The following HEMGN variants were observed in gnomAD, a reference collection of about 807,000 sequenced individuals.
HEMGN encodes hemogen.
Under a neutral mutation model 45.7 loss-of-function variants are expected in HEMGN, and 32 were observed. The ratio of observed to expected loss-of-function variants is 0.70; its 90% CI spans 0.53 to 0.94. The LOEUF (loss-of-function observed/expected upper bound fraction) is 0.94, where lower values mean the gene tolerates loss of function less well. Among genes scored for constraint, HEMGN ranks in the 40% least tolerant of loss-of-function variants. The pLI, the probability that HEMGN is intolerant of heterozygous loss-of-function variation, is 0.00. For synonymous variants in HEMGN, 183 were observed against 178.6 expected, an observed-to-expected ratio of 1.02 and a Z score of -0.20; for missense variants, 530 against 564.2, an observed-to-expected ratio of 0.94 and a Z score of 0.61.
chr9:97,930,986 A>T lies in HEMGN; in HGVS notation c.409T>A (p.Cys137Ser). Residue 137 changes from cysteine to serine, a missense_variant, in exon 3 of 4, where the codon TGT becomes AGT. Transcript: ENST00000616898. Reference protein sequence around the residue: ...VVPEEHFSEICQESNIYQENF... With the variant: ...VVPEEHFSEISQESNIYQENF... ...TCCTGATATATGTTACTTTCTTGAC[A>T]TATTTCAGAAAAGTGTTCCTCAGGC... is the stretch of plus-strand genomic sequence containing the variant. 1 of 1,614,174 alleles carries T rather than the reference A, an allele frequency of 6.2e-7. No homozygotes were observed. Among genetic ancestry groups the T allele is most frequent in the African/African-American group, 1.3e-5 (1 of 75,044 alleles).
At chr9:97,939,081 A>C (rs1299845391), upstream of HEMGN, among the ~76,000 whole-genome samples, 1 of 152,212 alleles carries the variant, frequency 6.6e-6, no homozygotes, top group South Asian at 2.1e-4. Context: ...CTCCTGATAC[A>C]GGAAGCCAGT....
intron 2 of HEMGN, among the ~76,000 whole-genome samples, chr9:97,934,870 T>C (rs1827028956): frequency 6.6e-6 from 1 of 152,112 alleles, no homozygotes; most frequent in Non-Finnish European, 1.5e-5. Flanking sequence ...AATGCAAATA[T>C]AGTGTAATTG....
At chr9:97,934,881 C>T (rs1293423489) in intron 2 of HEMGN, among the ~76,000 whole-genome samples, 2 of 152,136 alleles carry the variant, frequency 1.3e-5, no homozygotes, top group Non-Finnish European at 2.9e-5. Context: ...AGTGTAATTG[C>T]AGGCTTGAAG....
At chr9:97,942,869 C>T (rs751545106), upstream of HEMGN, among the ~76,000 whole-genome samples, 55 of 152,152 alleles carry the variant, frequency 3.6e-4, no homozygotes, top group Admixed American at 1.8e-3. Flanking sequence ...CCAAAGCTAA[C>T]GCCATTTAAG....
chr9:97,940,338 A>G (rs1827133890), upstream of HEMGN, among the ~76,000 whole-genome samples: 1 of 152,132 alleles, frequency 6.6e-6, no homozygotes, highest in Non-Finnish European at 1.5e-5. Flanking sequence ...ACCTAAGTCA[A>G]TTCCACCCCT....
intron 1 of HEMGN, among the ~76,000 whole-genome samples, chr9:97,943,859 A>T (rs1239658450): frequency 6.6e-6 from 1 of 152,004 alleles, no homozygotes; most frequent in Non-Finnish European, 1.5e-5. Flanking sequence ...CCAGTGGTCC[A>T]TTCTCAGTTC....
At chr9:97,938,282 T>A (rs1369480007), upstream of HEMGN, 3 of 629,768 alleles carry the variant, frequency 4.8e-6, no homozygotes, top group Non-Finnish European at 8.5e-6. Flanking sequence ...CTAAAAGTTT[T>A]ATCTGGTTGG....
At chr9:97,937,656 G>C (rs1305860189) in intron 1 of HEMGN, among the ~76,000 whole-genome samples, 1 of 151,850 alleles carries the variant, frequency 6.6e-6, no homozygotes, top group African/African-American at 2.4e-5. Context: ...GAGTCTCTGG[G>C]TTCATCAGAA....
At chr9:97,939,953 G>A (rs1421989729), upstream of HEMGN, among the ~76,000 whole-genome samples, 4 of 152,258 alleles carry the variant, frequency 2.6e-5, no homozygotes, top group South Asian at 6.2e-4. Context: ...CAGATATGGG[G>A]TTTAAATAAC....
chr9:97,943,317 C>A lies in HEMGN; in HGVS notation c.-56+1451G>T, dbSNP rs538071697. On this transcript the variant is annotated intron_variant, in intron 1 of 4. Coordinates refer to the HEMGN transcript ENST00000259456. ...GGGAACACAATGGACACTTGTTTTT[C>A]TTAGCATTCCTTCCTTGCTGACATA... 3.9e-5 allele frequency among the ~76,000 whole-genome samples: 6 copies of A among 152,274 alleles called. No individual in the cohort carries two copies. The South Asian group carries it at 1.2e-3, about 32-fold the overall frequency.
upstream of HEMGN, among the ~76,000 whole-genome samples, chr9:97,941,295 A>G (rs1734881119): frequency 1.3e-5 from 2 of 152,102 alleles, no homozygotes; most frequent in African/African-American, 2.4e-5. Flanking sequence ...GGCACCAGCA[A>G]ATGGCCCAAG....
chr9:97,942,821 A>G (rs1827171466), upstream of HEMGN, among the ~76,000 whole-genome samples: 2 of 152,174 alleles, frequency 1.3e-5, no homozygotes, highest in African/African-American at 4.8e-5. Flanking sequence ...CATGTACTGG[A>G]TACTGTTTAG....
chr9:97,928,054 TCTCG>T (rs1281202783), intron 3 of HEMGN, among the ~76,000 whole-genome samples: 1 of 143,756 alleles, frequency 7.0e-6, no homozygotes, highest in Non-Finnish European at 1.5e-5. Context: ...TGAGCCGGAG[TCTCG>T]CTCTGTCGCC....
chr9:97,942,947 G>C (rs562008309), upstream of HEMGN, among the ~76,000 whole-genome samples: 25 of 152,288 alleles, frequency 1.6e-4, no homozygotes, highest in East Asian at 1.7e-3. Context: ...ACTTTGGTTT[G>C]TCATGCCATA....
chr9:97,931,331 T>C, intron 2 of HEMGN, 110 bp from the exon 3 acceptor site: 2 of 747,458 alleles, frequency 2.7e-6, no homozygotes, highest in Non-Finnish European at 4.3e-6. Flanking sequence ...TATCATGAAC[T>C]AGTCACTTAA....
At chr9:97,929,119 G>C (rs1177289817) in intron 3 of HEMGN, among the ~76,000 whole-genome samples, 1 of 152,222 alleles carries the variant, frequency 6.6e-6, no homozygotes, top group Non-Finnish European at 1.5e-5. Flanking sequence ...TATCGACCTT[G>C]CTGGGTTTAG....
chr9:97,935,666 C>G (rs1359002031), intron 2 of HEMGN, among the ~76,000 whole-genome samples: 1 of 152,212 alleles, frequency 6.6e-6, no homozygotes. Flanking sequence ...TATTGTACCC[C>G]CTTCCTGCAT....
intron 2 of HEMGN, 109 bp from the exon 3 acceptor site, chr9:97,931,330 C>T: frequency 1.3e-6 from 1 of 755,192 alleles, no homozygotes; most frequent in African/African-American, 1.7e-5. Context: ...GTATCATGAA[C>T]TAGTCACTTA....
In HEMGN at chr9:97,930,072, G is replaced by A. The variant is rs761007719; in HGVS notation, c.1323C>T (p.His441=). ...GGPQGQDPKA[H]QEDAKDAYTF... ...TATAAGCATCTTTAGCATCTTCCTG[G>A]TGTGCTTTAGGATCCTGGCCTTGGG... is the stretch of plus-strand genomic sequence containing the variant. The change falls in exon 3 of 4, where the codon CAC becomes CAT. Residue 441 remains histidine (H), a synonymous_variant. Coordinates refer to ENST00000616898, the MANE Select transcript of HEMGN (RefSeq NM_197978.3). 1 of 1,613,958 alleles carries A rather than the reference G, an allele frequency of 6.2e-7. No individual in the cohort carries two copies. The highest frequency in any genetic ancestry group is 8.5e-7 in the Non-Finnish European group (1 of 1,179,974).
Sources: gnomAD v4.1 joint callset for allele counts (sites outside exome capture counted in the v4.1 genomes callset) on GRCh38, gnomAD v4.1.1 for gene constraint, MANE v1.5 for transcripts, NCBI Gene and HGNC (gene_info 2026-07-23, HGNC 2026-07-21) for gene names.